Variants in TERF2 observed in about 807,000 individuals in gnomAD.
TERF2 encodes telomeric repeat-binding factor 2.
In TERF2, 16 loss-of-function variants were observed where a neutral mutation model predicts 56.1. That is an observed-to-expected ratio of 0.29 (90% CI 0.19 to 0.43). The LOEUF is 0.43. Among genes scored for constraint, TERF2 ranks in the 20% least tolerant of loss-of-function variants. The pLI, the probability that TERF2 is intolerant of heterozygous loss-of-function variation, is 1.00. For missense variants in TERF2, 547 were observed against 712.9 expected (o/e 0.77, Z 2.65); for synonymous variants, 296 against 282.1 (o/e 1.05, Z -0.50).
chr16:69,359,627 A>ATTT lies in TERF2; in HGVS notation c.1426+1774_1426+1776dup, dbSNP rs564611021. On this transcript the variant is annotated intron_variant, in intron 8 of 9. Coordinates refer to ENST00000254942, the MANE Select transcript of TERF2 (RefSeq NM_005652.5). ...AATCTTCCTCTTACTATCATTCCCA[A>ATTT]TTTTTTTTTTTTTTTTTTTTTTTTT... Among the ~76,000 whole-genome samples, 649 of 72,588 alleles carry ATTT rather than the reference A, an allele frequency of 8.9e-3. 201 individuals carry two copies. Among genetic ancestry groups the ATTT allele is most frequent in the African/African-American group, 0.032 (522 of 16,128 alleles). 47.6% of individuals were successfully genotyped at this position (72,588 alleles called of 152,430 possible).
At chr16:69,363,506 GGC>G (rs2013222931) in intron 7 of TERF2, among the ~76,000 whole-genome samples, 1 of 152,184 alleles carries the variant, frequency 6.6e-6, no homozygotes, top group Non-Finnish European at 1.5e-5. Context: ...GAGTGGTCCT[GGC>G]CAAGTCAGGC....
intron 3 of TERF2, among the ~76,000 whole-genome samples, chr16:69,377,042 AAC>A (rs1267369552): frequency 6.6e-6 from 1 of 151,422 alleles, no homozygotes; most frequent in Non-Finnish European, 1.5e-5. Context: ...CTCTACTAAA[AAC>A]ACACAAAAAT....
chr16:69,360,705 CAAAAAAA>C (rs1204701669), intron 8 of TERF2, among the ~76,000 whole-genome samples: 1 of 65,468 alleles, frequency 1.5e-5, no homozygotes, highest in Non-Finnish European at 2.9e-5. Flanking sequence ...GACCCTGTCT[CAAAAAAA>C]AAAAAAAAAA....
chr16:69,368,079 A>G (rs2013417590), intron 6 of TERF2, among the ~76,000 whole-genome samples: 1 of 152,234 alleles, frequency 6.6e-6, no homozygotes. Context: ...TCCTGAATGT[A>G]TTAAGAGATT....
At chr16:69,374,163 T>C (rs1161698399) in intron 3 of TERF2, among the ~76,000 whole-genome samples, 2 of 152,258 alleles carry the variant, frequency 1.3e-5, no homozygotes, top group Non-Finnish European at 2.9e-5. Context: ...ACAAAGTTTT[T>C]ACTTTTTTAA....
At position 69,361,484 on chromosome 16, in the gene TERF2, G is replaced by C; in HGVS notation, c.1346C>G (p.Pro449Arg). 6.2e-7 allele frequency: 1 copy of C among 1,611,456 alleles called. No individual in the cohort carries two copies. Among genetic ancestry groups the C allele is most frequent in the Non-Finnish European group, 8.5e-7 (1 of 1,177,712 alleles). ...ATTAGAGCTGTTCCACTTGCCTTTG[G>C]GTACTCTGAGGGGAGATCAAGGAGA... Reference protein sequence around the residue: ...PLPGEKNPKVPKGKWNSSNGV... With the variant: ...PLPGEKNPKVRKGKWNSSNGV... The change falls in exon 8 of 10, where the codon CCC becomes CGC. Residue 449 changes from proline (P) to arginine (R), a missense_variant. This residue lies in a region of TERF2 where 211 missense variants were observed against 236.8 expected (regional missense o/e 0.89). Coordinates refer to ENST00000254942, the MANE Select transcript of TERF2 (RefSeq NM_005652.5).
chr16:69,374,844 A>G (rs957546932), intron 3 of TERF2, among the ~76,000 whole-genome samples: 9 of 151,478 alleles, frequency 5.9e-5, no homozygotes, highest in African/African-American at 1.9e-4. Flanking sequence ...GCGCACCTGT[A>G]GTCTCAGGTG....
chr16:69,363,079 T>G (rs2013204894), intron 7 of TERF2, among the ~76,000 whole-genome samples: 1 of 152,260 alleles, frequency 6.6e-6, no homozygotes. Flanking sequence ...CATTGGATCT[T>G]ATCCCCAAAT....
Position 69,385,777 on chromosome 16 carries a change from G to C in TERF2, c.195C>G (p.Ser65Arg). Residue 65 changes from serine to arginine, a missense_variant, in exon 1 of 10, where the codon AGC (serine) becomes AGG (arginine). Coordinates refer to ENST00000254942, the MANE Select transcript of TERF2 (RefSeq NM_005652.5). ...RAAGRRASRS[S>R]GRARRGRHEP... is the part of the protein sequence containing the mutation. ...CGTGGCGCCCCCGCCGGGCCCGCCC[G>C]CTACTGCGGGACGCCCGCCTGCCAG... is the stretch of plus-strand genomic sequence containing the variant. 7.7e-7 allele frequency: 1 copy of C among 1,302,196 alleles called. No homozygotes were observed. The highest frequency in any genetic ancestry group is 2.4e-5 in the South Asian group (1 of 41,656). The allele number at this position is 1,302,196 out of a possible 1,614,324, so 80.7% of individuals were successfully genotyped here.
rs550566606 is a variant in TERF2, at chr16:69,368,621, A to T, written c.841-139T>A. ...CTAGGCATAAAACGAAGGACATAAA[A>T]TGGGAGAGAACTTGTAAGACTTATA... On this transcript the variant is annotated intron_variant, in intron 5 of 9. Transcript: ENST00000254942. The T allele has an allele frequency of 3.5e-4, 542 of 1,534,898 alleles. 3 individuals are homozygous for T. The Middle Eastern group carries it at 4.7e-3, about 13-fold the overall frequency.
intron 3 of TERF2, among the ~76,000 whole-genome samples, chr16:69,374,152 T>C (rs1382675221): frequency 6.6e-6 from 1 of 152,244 alleles, no homozygotes; most frequent in Non-Finnish European, 1.5e-5. Context: ...CTTTCTTGAA[T>C]ACAAAGTTTT....
chr16:69,362,614 T>C lies in TERF2; in HGVS notation c.1341-1125A>G, dbSNP rs2013186917. ...CTTCTTGTGAACATGAAACGTTAAA[T>C]GCTTGGGTGTGGCTAAAAAAAGTAC... On this transcript the variant is annotated intron_variant, in intron 7 of 9. Coordinates refer to ENST00000254942, the MANE Select transcript of TERF2 (RefSeq NM_005652.5). Among the ~76,000 whole-genome samples, 4 of 152,312 alleles carry C rather than the reference T, an allele frequency of 2.6e-5. No individual in the cohort carries two copies. The South Asian group carries it at 8.3e-4, about 32-fold the overall frequency.
intron 4 of TERF2, among the ~76,000 whole-genome samples, chr16:69,371,907 T>C (rs1410570869): frequency 1.3e-5 from 2 of 152,200 alleles, no homozygotes; most frequent in Non-Finnish European, 2.9e-5. Context: ...ACAGGTGCTA[T>C]GTCCTCACCA....
chr16:69,357,846 CTTTTT>C (rs71383989), intron 8 of TERF2, among the ~76,000 whole-genome samples: 1 of 121,916 alleles, frequency 8.2e-6, no homozygotes. Context: ...ACATCGTTTT[CTTTTT>C]TTTTTTTTTT....
chr16:69,369,960 G>C (rs2013502686), intron 5 of TERF2, among the ~76,000 whole-genome samples: 1 of 152,326 alleles, frequency 6.6e-6, no homozygotes, highest in South Asian at 2.1e-4. Context: ...GTGTAAAGGA[G>C]ATAAAAATGG....
At chr16:69,372,530 AGGCGGGT>A (rs1480341180) in intron 3 of TERF2, among the ~76,000 whole-genome samples, 175 bp from the exon 4 acceptor site, 1 of 152,202 alleles carries the variant, frequency 6.6e-6, no homozygotes, top group Non-Finnish European at 1.5e-5. Context: ...TGGGAGGCCA[AGGCGGGT>A]GGATCACCTG....
chr16:69,376,799 G>C (rs920744442), intron 3 of TERF2, among the ~76,000 whole-genome samples: 5 of 148,456 alleles, frequency 3.4e-5, no homozygotes, highest in African/African-American at 5.0e-5. Flanking sequence ...GGTCAAGGCT[G>C]CAGTGAGCCA....
chr16:69,364,615 G>A (rs778344499), intron 7 of TERF2, among the ~76,000 whole-genome samples: 2 of 151,882 alleles, frequency 1.3e-5, no homozygotes, highest in African/African-American at 2.4e-5. Flanking sequence ...GACACTCTGA[G>A]GGGCACACCA....
rs1011491517 is a variant in TERF2 at position 69,370,475 on chromosome 16, A to T, written c.840+8T>A. On this transcript the variant is annotated splice_region_variant and intron_variant, in intron 5 of 9. Coordinates refer to ENST00000254942, the MANE Select transcript of TERF2 (RefSeq NM_005652.5). ...CACCATGGTTATGGGAGAAGGGCCA[A>T]GGCGCACCGTGAGGAGGTAGGGCTC... 1.2e-6 allele frequency: 2 copies of T among 1,613,998 alleles called. No homozygotes were observed. Among genetic ancestry groups the T allele is most frequent in the Admixed American group, 1.7e-5 (1 of 59,932 alleles).
Sources: allele counts gnomAD v4.1 joint callset (sites outside exome capture counted in the v4.1 genomes callset), GRCh38; gene constraint gnomAD v4.1.1; regional missense constraint gnomAD v4.1.1; transcripts MANE v1.5; gene names NCBI Gene and HGNC (gene_info 2026-07-23, HGNC 2026-07-21).